Variants in CNTNAP3 observed in about 807,000 individuals in gnomAD.
CNTNAP3 encodes the protein contactin associated protein family member 3, also known as contactin-associated protein-like 3.
Under a neutral mutation model 92.1 loss-of-function variants are expected in CNTNAP3, and 36 were observed. The ratio of observed to expected loss-of-function variants is 0.39; its 90% confidence interval spans 0.30 to 0.52. The LOEUF (loss-of-function observed/expected upper bound fraction) is 0.52, where lower values mean the gene tolerates loss of function less well. CNTNAP3 is among the 20% of genes least tolerant of loss of function. The probability of loss-of-function intolerance (pLI) is 0.76; values close to 1 mark genes in which losing one functional copy is unlikely to be tolerated. For missense variants in CNTNAP3, 534 were observed against 1,069.6 expected (o/e 0.50, Z 6.98); for synonymous variants, 232 against 422.3 (o/e 0.55, Z 5.53).
In CNTNAP3 at chr9:39,113,073, G is replaced by T. The variant is rs1246722238; in HGVS notation, c.2238-3786C>A. ...TTTTGGGCTAATTTTTTTTTGTTAT[G>T]GGGGGGCTGTCCTGTGCACTGTAGG... On this transcript the variant is annotated intron_variant, in intron 14 of 23. Coordinates refer to ENST00000297668, the MANE Select transcript of CNTNAP3 (RefSeq NM_033655.5). Among the ~76,000 whole-genome samples the T allele has an allele frequency of 1.3e-4, 20 of 151,816 alleles. No homozygotes were observed. The South Asian group carries it at 2.7e-3, about 21-fold the overall frequency.
chr9:39,131,601 G>A (rs1167840563), intron 13 of CNTNAP3, among the ~76,000 whole-genome samples: 3 of 151,964 alleles, frequency 2.0e-5, no homozygotes, highest in Non-Finnish European at 4.4e-5. Context: ...TGAGGCGGGC[G>A]GATCACCTGA....
chr9:39,105,343 A>T (rs1038557456), intron 15 of CNTNAP3, among the ~76,000 whole-genome samples: 1 of 151,710 alleles, frequency 6.6e-6, no homozygotes, highest in Non-Finnish European at 1.5e-5. Context: ...AGGAGAATGG[A>T]GTGAACCCGG....
intron 9 of CNTNAP3, among the ~76,000 whole-genome samples, chr9:39,157,398 C>T (rs573225398): frequency 5.8e-5 from 3 of 51,790 alleles, no homozygotes; most frequent in Admixed American, 4.1e-4. Flanking sequence ...AGTGCAGTGG[C>T]GCAGTCTCAG....
At chr9:39,125,906 A>G (rs1821143596) in intron 13 of CNTNAP3, among the ~76,000 whole-genome samples, 1 of 152,158 alleles carries the variant, frequency 6.6e-6, no homozygotes. Flanking sequence ...ACACCCCTCT[A>G]TGAGTAAGTG....
Position 39,067,609 on chromosome 9 carries a change from G to A in CNTNAP3, c.*6281C>T, listed in dbSNP as rs1217393933. On this transcript the variant is annotated 3_prime_UTR_variant, in exon 24 of 24. Transcript: ENST00000297668. ...GACGGGGTTTCCACCTTGTTAGCAG[G>A]ATGGTCTCCATCTCCCGACCTCGTG... Among the ~76,000 whole-genome samples, 5 of 152,286 alleles carry A rather than the reference G, an allele frequency of 3.3e-5. No homozygotes were observed. Among genetic ancestry groups the A allele is most frequent in the South Asian group, 2.1e-4 (1 of 4,838 alleles).
At chr9:39,083,631 C>T (rs1457701076) in intron 21 of CNTNAP3, among the ~76,000 whole-genome samples, 1 of 152,170 alleles carries the variant, frequency 6.6e-6, no homozygotes, top group Non-Finnish European at 1.5e-5. Flanking sequence ...TGCACTCCAG[C>T]CTGGGCGACA....
intron 10 of CNTNAP3, among the ~76,000 whole-genome samples, chr9:39,146,045 A>T (rs1821689632): frequency 6.6e-6 from 1 of 151,918 alleles, no homozygotes; most frequent in African/African-American, 2.4e-5. Context: ...TTTAGTTCAA[A>T]ATATTTGGAA....
intron 21 of CNTNAP3, among the ~76,000 whole-genome samples, chr9:39,080,827 A>C (rs1464255494): frequency 7.3e-6 from 1 of 137,590 alleles, no homozygotes; most frequent in Non-Finnish European, 1.6e-5. Context: ...ACACCCAGCT[A>C]ATTTTTTTTG....
At chr9:39,086,015 C>G in intron 20 of CNTNAP3, 192 bp from the exon 21 acceptor site, 1 of 652,236 alleles carries the variant, frequency 1.5e-6, no homozygotes, top group South Asian at 1.9e-5. Context: ...TCCTATGATG[C>G]CATCAGCTAC....
chr9:39,119,869 C>CA (rs1820965606), intron 13 of CNTNAP3, among the ~76,000 whole-genome samples: 1 of 152,030 alleles, frequency 6.6e-6, no homozygotes, highest in Non-Finnish European at 1.5e-5. Context: ...AGTGAAAAGA[C>CA]AGAGGACAGA....
At chr9:39,145,783 T>C (rs1202177157) in intron 10 of CNTNAP3, among the ~76,000 whole-genome samples, 1 of 140,016 alleles carries the variant, frequency 7.1e-6, no homozygotes, top group Non-Finnish European at 1.6e-5. Context: ...GGCCAAGGCA[T>C]GGAAAAGCCT....
intron 10 of CNTNAP3, among the ~76,000 whole-genome samples, chr9:39,149,593 T>C (rs1389175637): frequency 6.6e-6 from 1 of 151,842 alleles, no homozygotes; most frequent in Non-Finnish European, 1.5e-5. Flanking sequence ...CCTGATCTCG[T>C]GATCCGCCAG....
chr9:39,135,288 T>C (rs1821403247), intron 12 of CNTNAP3, among the ~76,000 whole-genome samples: 2 of 152,052 alleles, frequency 1.3e-5, no homozygotes, highest in Admixed American at 1.3e-4. Flanking sequence ...TTCTTTTTTA[T>C]TAGAGATAGG....
rs1389852487 is a variant in CNTNAP3, at chr9:39,066,571, A to G, written c.*7319T>C. Among the ~76,000 whole-genome samples, 82 of 152,344 alleles carry G rather than the reference A, an allele frequency of 5.4e-4. No homozygotes were observed. Among genetic ancestry groups the G allele is most frequent in the African/African-American group, 1.9e-3 (78 of 41,572 alleles). On this transcript the variant is annotated 3_prime_UTR_variant, in exon 24 of 24. Coordinates refer to ENST00000297668, the MANE Select transcript of CNTNAP3 (RefSeq NM_033655.5). ...ATAATATATTACTTTTAACTTTTCT[A>G]TGTCTGAAAAATATCTTTGTTTCAT...
chr9:39,096,016 CAT>C (rs1310795166), intron 18 of CNTNAP3, among the ~76,000 whole-genome samples: 1 of 151,622 alleles, frequency 6.6e-6, no homozygotes, highest in East Asian at 1.9e-4. Flanking sequence ...TCCTCTGACT[CAT>C]GTTACCATTT....
intron 9 of CNTNAP3, among the ~76,000 whole-genome samples, chr9:39,150,355 C>A (rs1307430093): frequency 8.0e-6 from 1 of 125,248 alleles, no homozygotes; most frequent in African/African-American, 3.1e-5. Context: ...TAAATGAAAT[C>A]ATAGGCCAAA....
At position 39,071,403 on chromosome 9, in the gene CNTNAP3, T is replaced by C. The variant is rs1825633386; in HGVS notation, c.*2487A>G. On this transcript the variant is annotated 3_prime_UTR_variant, in exon 24 of 24. Transcript: ENST00000297668. ...ATAATACCACTCACCAGTGTCACTATTTTACAGAGATAAGCCTTCAATGTC... is the reference window on the plus strand; with the variant it reads ...ATAATACCACTCACCAGTGTCACTACTTTACAGAGATAAGCCTTCAATGTC... Among the ~76,000 whole-genome samples, 1 of 151,692 alleles carries C rather than the reference T, an allele frequency of 6.6e-6. No homozygotes were observed. Among genetic ancestry groups the C allele is most frequent in the African/African-American group, 2.4e-5 (1 of 41,204 alleles).
chr9:39,136,812 A>G (rs1821449277), intron 12 of CNTNAP3, among the ~76,000 whole-genome samples: 1 of 152,098 alleles, frequency 6.6e-6, no homozygotes, highest in Admixed American at 6.6e-5. Flanking sequence ...GAGGCAGGAG[A>G]ATCACCTGAA....
At chr9:39,075,576 A>G (rs1217044110) in intron 23 of CNTNAP3, among the ~76,000 whole-genome samples, 10 of 152,316 alleles carry the variant, frequency 6.6e-5, no homozygotes, top group African/African-American at 2.4e-4. Flanking sequence ...TTTTCATCTA[A>G]AGACAGGATG....
Sources: allele counts gnomAD v4.1 joint callset (sites outside exome capture counted in the v4.1 genomes callset), GRCh38; gene constraint gnomAD v4.1.1; transcripts MANE v1.5; gene names NCBI Gene and HGNC (gene_info 2026-07-23, HGNC 2026-07-21).